SPINK5: variants seen among roughly 807,000 people sequenced by gnomAD.
The protein encoded by SPINK5 is serine peptidase inhibitor Kazal type 5, also known as serine protease inhibitor Kazal-type 5.
In SPINK5, 125 loss-of-function variants were observed where a neutral mutation model predicts 151.8. The ratio of observed to expected loss-of-function variants is 0.82; its 90% CI spans 0.71 to 0.96. The LOEUF (loss-of-function observed/expected upper bound fraction) is 0.96, where lower values mean the gene tolerates loss of function less well. SPINK5 is among the 40% of genes least tolerant of loss of function. The pLI is 0.00. For missense variants in SPINK5, 1,194 were observed against 1,291.9 expected (o/e 0.92, Z 1.16); for synonymous variants, 374 against 395.3 (o/e 0.95, Z 0.64).
In SPINK5 at chr5:148,094,254, C is replaced by G. The variant is rs533394954; in HGVS notation, c.667-100C>G. The G allele has an allele frequency of 3.8e-6, 5 of 1,321,692 alleles. No individual in the cohort carries two copies. The Admixed American group carries it at 7.1e-5, about 19-fold the overall frequency. 81.9% of individuals were successfully genotyped at this position (1,321,692 alleles called of 1,614,324 possible). On this transcript the variant is annotated intron_variant, in intron 8 of 32. Transcript: ENST00000256084. ...AGGCTTCACTGAGCTATGATCATTC[C>G]CCTGCAATCCACCCTGCGCAATGCA...
At chr5:148,127,999 T>C (rs1211359818) in intron 30 of SPINK5, among the ~76,000 whole-genome samples, 1 of 152,130 alleles carries the variant, frequency 6.6e-6, no homozygotes, top group East Asian at 1.9e-4. Flanking sequence ...ATCAAGCAGA[T>C]TCTCAGATTG....
At chr5:148,117,032 C>G (rs560252816) in intron 22 of SPINK5, among the ~76,000 whole-genome samples, 3 of 152,190 alleles carry the variant, frequency 2.0e-5, no homozygotes, top group African/African-American at 7.2e-5. Flanking sequence ...TTTCTTGAGG[C>G]ATTTTTAAGT....
At chr5:148,114,572 G>C in intron 21 of SPINK5, 83 bp downstream of exon 21, 4 of 1,587,468 alleles carry the variant, frequency 2.5e-6, no homozygotes, top group Non-Finnish European at 3.4e-6. Context: ...TATTGTGTTT[G>C]TCCTTTCCTT....
chr5:148,098,128 T>C (rs2113106415), intron 11 of SPINK5, 134 bp downstream of exon 11: 7 of 854,668 alleles, frequency 8.2e-6, no homozygotes, highest in Middle Eastern at 2.3e-4. Context: ...ATGGAAAATA[T>C]CAGTGATAGA....
intron 10 of SPINK5, 57 bp from the exon 11 acceptor site, chr5:148,097,810 A>T: frequency 6.6e-7 from 1 of 1,519,674 alleles, no homozygotes; most frequent in Non-Finnish European, 9.1e-7. Context: ...AATAACATTT[A>T]ACATTCATAC....
rs1215650312 is a variant in SPINK5 at position 148,095,824 on chromosome 5, G to A, written c.801G>A (p.Gln267=). The A allele has an allele frequency of 1.2e-6, 2 of 1,611,734 alleles. No individual in the cohort carries two copies. The highest frequency in any genetic ancestry group is 2.2e-5 in the East Asian group (1 of 44,750). Residue 267 remains glutamine (Q), a synonymous_variant, in exon 10 of 33, where the codon CAG becomes CAA. Coordinates refer to ENST00000256084, the MANE Select transcript of SPINK5 (RefSeq NM_006846.4). The part of the protein sequence containing the change: ...KCALCAEIFK[Q]RFSEENSKTD... ...TTTATTTTACTTTTTCCAGCAAGCA[G>A]CGTTTTTCAGAGGAAAACAGTAAAA...
chr5:148,065,514 A>T, intron 2 of SPINK5, 142 bp downstream of exon 2: 1 of 826,762 alleles, frequency 1.2e-6, no homozygotes, highest in Non-Finnish European at 2.0e-6. Flanking sequence ...ACAGAAACAG[A>T]TTTTTATGAA....
intron 15 of SPINK5, 35 bp downstream of exon 15, chr5:148,101,943 T>C (rs779459243): frequency 1.9e-6 from 3 of 1,612,826 alleles, no homozygotes; most frequent in East Asian, 4.5e-5. Context: ...CGTCTGAGGA[T>C]TGAGCAGTGG....
In SPINK5 at chr5:148,089,556, T is replaced by A; in HGVS notation, c.537T>A (p.Asn179Lys). The A allele has an allele frequency of 1.9e-6, 3 of 1,612,206 alleles. No individual in the cohort carries two copies. Among genetic ancestry groups the A allele is most frequent in the Non-Finnish European group, 2.5e-6 (3 of 1,178,812 alleles). Residue 179 changes from asparagine (N) to lysine (K), a missense_variant, in exon 7 of 33, where the codon AAT (asparagine) becomes AAA (lysine). Physicochemically the swap from Asn to Lys is moderately conservative, Grantham distance 94 (BLOSUM62 0). Transcript: ENST00000256084. ...GAAGACTTGGATGCACAAGGGAAAA[T>A]GATCCTGTTCTTGGTCCTGATGGGA... is the stretch of plus-strand genomic sequence containing the variant. Reference protein sequence around the residue: ...RDGRLGCTRENDPVLGPDGKT... With the variant: ...RDGRLGCTREKDPVLGPDGKT...
Position 148,086,450 on chromosome 5 carries a change from A to T in SPINK5, c.328A>T (p.Ile110Phe). ...FKKGERDGDFICPDYYEAVCG... is the reference protein window; with the variant it reads ...FKKGERDGDFFCPDYYEAVCG... ...AAAAGGAGAAAGAGATGGGGATTTT[A>T]TCTGTCCTGATTATTATGAAGCTGT... Residue 110 changes from isoleucine to phenylalanine, a missense_variant, in exon 5 of 33, where the codon ATC becomes TTC. By Grantham distance (21) the Ile-to-Phe change is conservative (BLOSUM62 0). Coordinates refer to ENST00000256084, the MANE Select transcript of SPINK5 (RefSeq NM_006846.4). 1.2e-6 allele frequency: 2 copies of T among 1,611,898 alleles called. No individual in the cohort carries two copies. The highest frequency in any genetic ancestry group is 1.7e-6 in the Non-Finnish European group (2 of 1,178,746).
chr5:148,125,561 C>A, intron 28 of SPINK5, 162 bp from the exon 29 acceptor site: 2 of 1,613,950 alleles, frequency 1.2e-6, no homozygotes, highest in Non-Finnish European at 1.7e-6. Flanking sequence ...GCGGAGGATG[C>A]AAAATTTAGA....
intron 11 of SPINK5, among the ~76,000 whole-genome samples, chr5:148,098,342 C>T (rs1753531668): frequency 6.6e-6 from 1 of 151,930 alleles, no homozygotes; most frequent in Admixed American, 6.6e-5. Context: ...AAAGGTGATG[C>T]TTAATGTAGA....
chr5:148,126,901 T>C (rs1270940155), intron 29 of SPINK5, 82 bp from the exon 30 acceptor site: 9 of 1,229,144 alleles, frequency 7.3e-6, no homozygotes, highest in Non-Finnish European at 1.0e-5. Context: ...CTCTGTCACA[T>C]TTTATGAGGA....
intron 16 of SPINK5, among the ~76,000 whole-genome samples, chr5:148,106,327 A>G (rs973248633): frequency 6.6e-6 from 1 of 151,550 alleles, no homozygotes; most frequent in Non-Finnish European, 1.5e-5. Context: ...AAATTTATTT[A>G]TTTATTTATT....
Position 148,133,902 on chromosome 5 carries a change from A to G in SPINK5, c.3186+15A>G, listed in dbSNP as rs1290953826. On this transcript the variant is annotated intron_variant, in intron 32 of 32. Coordinates refer to ENST00000256084, the MANE Select transcript of SPINK5 (RefSeq NM_006846.4). ...TGCCCCCGTCTGTAAGTACATAAGTAGACTGGCCTCCATGGTTACGTTGTG... is the reference window on the plus strand; with the variant it reads ...TGCCCCCGTCTGTAAGTACATAAGTGGACTGGCCTCCATGGTTACGTTGTG... The G allele has an allele frequency of 1.9e-6, 3 of 1,613,522 alleles. No individual in the cohort carries two copies. Among genetic ancestry groups the G allele is most frequent in the African/African-American group, 2.7e-5 (2 of 75,038 alleles).
rs1313412202 is a variant in SPINK5 at position 148,100,593 on chromosome 5, T to C, written c.1220+12T>C. 1 of 1,612,244 alleles carries C rather than the reference T, an allele frequency of 6.2e-7. No individual in the cohort carries two copies. The highest frequency in any genetic ancestry group is 1.3e-5 in the African/African-American group (1 of 74,846). Reference sequence around the variant, plus strand: ...TGTGAGGTCTTCTTGTGAGTAGCCCTGCAGCTGGGAACATGGAGGAATGAT... The same window carrying C: ...TGTGAGGTCTTCTTGTGAGTAGCCCCGCAGCTGGGAACATGGAGGAATGAT... On this transcript the variant is annotated intron_variant, in intron 13 of 32. Transcript: ENST00000256084.
At chr5:148,130,525 A>C (rs545924897) in intron 30 of SPINK5, among the ~76,000 whole-genome samples, 2 of 152,068 alleles carry the variant, frequency 1.3e-5, no homozygotes, top group African/African-American at 4.8e-5. Flanking sequence ...TAAAAAACTA[A>C]TCAAGGTCTT....
chr5:148,135,265 C>G (rs1218056698), intron 32 of SPINK5, among the ~76,000 whole-genome samples: 1 of 152,176 alleles, frequency 6.6e-6, no homozygotes, highest in Non-Finnish European at 1.5e-5. Flanking sequence ...TCCCCGTCCT[C>G]ACAAACTCAC....
chr5:148,136,466 C>T (rs1754697275), intron 32 of SPINK5, among the ~76,000 whole-genome samples: 1 of 152,066 alleles, frequency 6.6e-6, no homozygotes, highest in Non-Finnish European at 1.5e-5. Context: ...CTGAGGCCCT[C>T]GCCCCCTTTA....
Sources: gnomAD v4.1 joint callset for allele counts (sites outside exome capture counted in the v4.1 genomes callset) on GRCh38, gnomAD v4.1.1 for gene constraint, MANE v1.5 for transcripts, NCBI Gene and HGNC (gene_info 2026-07-23, HGNC 2026-07-21) for gene names.